The following NIN variants were observed in gnomAD, a reference collection of about 807,000 sequenced individuals.
The protein encoded by NIN is ninein.
Under a neutral mutation model 257.6 loss-of-function variants are expected in NIN, and 137 were observed. The observed-to-expected ratio is 0.53, with a 90% CI of 0.46 to 0.61. The LOEUF is 0.61. NIN is among the 20% of genes least tolerant of loss of function. The pLI, the probability that NIN is intolerant of heterozygous loss-of-function variation, is 0.00. For synonymous variants in NIN, 918 were observed against 919.8 expected (o/e 1.00, Z 0.04); for missense variants, 2,439 against 2,501.2 (o/e 0.98, Z 0.53).
chr14:50,728,263 T>C (rs560690015), intron 29 of NIN, among the ~76,000 whole-genome samples: 22 of 152,288 alleles, frequency 1.4e-4, no homozygotes, highest in Admixed American at 1.3e-4. Context: ...AATTATATAC[T>C]GGAGAGTTAA....
At chr14:50,778,832 G>A (rs751434766) in intron 5 of NIN, 28 bp from the exon 6 acceptor site, 10 of 1,611,960 alleles carry the variant, frequency 6.2e-6, no homozygotes, top group Non-Finnish European at 8.5e-6. Flanking sequence ...AGATTAGTGT[G>A]CTTTAGAACT....
At position 50,790,028 on chromosome 14, in the gene NIN, A is replaced by G. The variant is rs573392131; in HGVS notation, c.435+2684T>C. On this transcript the variant is annotated intron_variant, in intron 5 of 30. Coordinates refer to ENST00000530997, the MANE Select transcript of NIN (RefSeq NM_020921.4). ...GGCTTTGCCTTTTTTAACCGCCAAC[A>G]GGAACATCGAAAATGTCTTGTGTGA... Among the ~76,000 whole-genome samples the G allele has an allele frequency of 2.0e-5, 3 of 152,300 alleles. No homozygotes were observed. The South Asian group carries it at 6.2e-4, about 32-fold the overall frequency.
rs570901310 is a variant in NIN at position 50,771,123 on chromosome 14, A to C, written c.1119-131T>G. The C allele has an allele frequency of 9.8e-6, 12 of 1,221,120 alleles. No homozygotes were observed. In the Admixed American group the frequency reaches 2.2e-4, roughly 22 times the overall value. The allele number at this position is 1,221,120 out of a possible 1,614,324, so 75.6% of individuals were successfully genotyped here. On this transcript the variant is annotated intron_variant, in intron 10 of 30. Transcript: ENST00000530997. Reference sequence around the variant, plus strand: ...CAACCAAAACCCTCCCAAAGCAAAAAGGCACTCCACCCTTCCCTTCAAAAG... The same window carrying C: ...CAACCAAAACCCTCCCAAAGCAAAACGGCACTCCACCCTTCCCTTCAAAAG...
intron 10 of NIN, 35 bp from the exon 11 acceptor site, chr14:50,771,027 T>C: frequency 6.2e-7 from 1 of 1,601,504 alleles, no homozygotes. Flanking sequence ...AATGGGAAAC[T>C]GTTTCTAAGC....
At chr14:50,823,860 T>G (rs1411588880) in intron 2 of NIN, among the ~76,000 whole-genome samples, 1 of 152,256 alleles carries the variant, frequency 6.6e-6, no homozygotes, top group African/African-American at 2.4e-5. Context: ...GAGAGTGTTA[T>G]ATAAACATCA....
intron 30 of NIN, 182 bp downstream of exon 30, chr14:50,725,771 G>C: frequency 9.5e-7 from 1 of 1,051,008 alleles, no homozygotes; most frequent in Non-Finnish European, 1.4e-6. Flanking sequence ...AAAAAATACA[G>C]AGTTCGTATT....
intron 14 of NIN, among the ~76,000 whole-genome samples, chr14:50,765,063 T>TAAAAAA (rs781699626): frequency 1.2e-5 from 1 of 82,072 alleles, no homozygotes; most frequent in African/African-American, 4.7e-5. Flanking sequence ...TGTCTCTACT[T>TAAAAAA]AAAAAAAAAA....
intron 5 of NIN, chr14:50,791,931 C>T (rs997672653): frequency 6.6e-6 from 1 of 152,036 alleles, no homozygotes; most frequent in African/African-American, 2.4e-5. Flanking sequence ...ATCTGTAGCC[C>T]CAGTCTGAGC....
At chr14:50,735,420 C>A (rs146811675) in intron 28 of NIN, 96 bp downstream of exon 28, 182 of 1,457,332 alleles carry the variant, frequency 1.2e-4, no homozygotes, top group Non-Finnish European at 1.6e-4. Context: ...ATTTTCACAA[C>A]GGGAATTCAA....
intron 5 of NIN, among the ~76,000 whole-genome samples, chr14:50,781,807 A>C (rs2043145849): frequency 6.6e-6 from 1 of 152,226 alleles, no homozygotes; most frequent in Non-Finnish European, 1.5e-5. Context: ...AGCTCTACAC[A>C]ATTTTGTTAT....
rs767427643 is a variant in NIN at position 50,760,298 on chromosome 14, T to G, written c.1958A>C (p.Asn653Thr). 2 of 1,608,782 alleles carry G rather than the reference T, an allele frequency of 1.2e-6. No individual in the cohort carries two copies. The change falls in exon 17 of 31, where the codon AAC becomes ACC. Residue 653 changes from asparagine (N) to threonine (T), a missense_variant. This residue lies in a region of NIN where 2,043 missense variants were observed against 2,050.2 expected (regional missense o/e 1.00). Coordinates refer to ENST00000530997, the MANE Select transcript of NIN (RefSeq NM_020921.4). Reference sequence around the variant, plus strand: ...TTCGTTCTCATGCCTTTGCTTCATGTTCTCCTGTGCCTTCTTGCAGCTGAC... The same window carrying G: ...TTCGTTCTCATGCCTTTGCTTCATGGTCTCCTGTGCCTTCTTGCAGCTGAC... ...TVVSCKKAQE[N>T]MKQRHENETH...
In NIN at chr14:50,744,122, C is replaced by T. The variant is rs532098969; in HGVS notation, c.5187+121G>A. ...GTCACAGAATGCCAAAGAAATGCTGCTCCAGGACACTCTGGAACAACAGAC... is the reference window on the plus strand; with the variant it reads ...GTCACAGAATGCCAAAGAAATGCTGTTCCAGGACACTCTGGAACAACAGAC... On this transcript the variant is annotated intron_variant, in intron 23 of 30. Transcript: ENST00000530997. The T allele has an allele frequency of 3.6e-4, 386 of 1,063,984 alleles. 4 individuals are homozygous for T. In the South Asian group the frequency reaches 5.5e-3, roughly 15 times the overall value. The allele number at this position is 1,063,984 out of a possible 1,614,324, so 65.9% of individuals were successfully genotyped here. A position where few individuals can be genotyped will look rare whatever the true frequency, so the allele number is the denominator to read the frequency against.
intron 4 of NIN, among the ~76,000 whole-genome samples, chr14:50,798,120 C>T (rs1189643416): frequency 6.6e-6 from 1 of 152,200 alleles, no homozygotes; most frequent in East Asian, 1.9e-4. Flanking sequence ...GCCTCTAGGG[C>T]CATCACCAGC....
At chr14:50,774,809 G>A (rs1291453182) in intron 7 of NIN, among the ~76,000 whole-genome samples, 2 of 152,224 alleles carry the variant, frequency 1.3e-5, no homozygotes, top group African/African-American at 2.4e-5. Context: ...AGATGGTGGA[G>A]TGGGCAAGTG....
At chr14:50,807,304 A>G (rs2044375388) in intron 3 of NIN, among the ~76,000 whole-genome samples, 1 of 152,192 alleles carries the variant, frequency 6.6e-6, no homozygotes, top group African/African-American at 2.4e-5. Context: ...TATAATATTT[A>G]TTTCCCAAGG....
intron 19 of NIN, 39 bp downstream of exon 19, chr14:50,754,703 T>C (rs780377767): frequency 7.2e-5 from 114 of 1,578,572 alleles, no homozygotes; most frequent in Non-Finnish European, 9.4e-5. Context: ...TTTTAGTCTT[T>C]GCAAAAATGT....
chr14:50,740,885 A>G (rs1421294627), intron 25 of NIN, among the ~76,000 whole-genome samples: 2 of 152,374 alleles, frequency 1.3e-5, no homozygotes, highest in African/African-American at 2.4e-5. Context: ...AATGACATCT[A>G]TAACATTGTT....
At chr14:50,830,745 G>T (rs1316955548) in intron 1 of NIN, 2 of 139,254 alleles carry the variant, frequency 1.4e-5, no homozygotes, top group East Asian at 4.7e-4. Context: ...CGCCCGCGCA[G>T]CCCGCGCCTC....
chr14:50,724,805 G>C (rs1453242798), intron 30 of NIN, among the ~76,000 whole-genome samples: 1 of 152,102 alleles, frequency 6.6e-6, no homozygotes, highest in African/African-American at 2.4e-5. Flanking sequence ...TTCTTAACTA[G>C]TTGAAATCTT....
Sources: gnomAD v4.1 joint callset for allele counts (sites outside exome capture counted in the v4.1 genomes callset) on GRCh38, gnomAD v4.1.1 for gene constraint, gnomAD v4.1.1 regional missense constraint, MANE v1.5 for transcripts, NCBI Gene and HGNC (gene_info 2026-07-23, HGNC 2026-07-21) for gene names.